ZC2HC1A: variants seen among roughly 807,000 people sequenced by gnomAD.
ZC2HC1A encodes zinc finger C2HC-type containing 1A.
A neutral mutation model predicts 40.7 loss-of-function variants in ZC2HC1A; 28 were observed. That is an observed-to-expected ratio of 0.69 (90% CI 0.51 to 0.94). The LOEUF is 0.94. Among genes scored for constraint, ZC2HC1A ranks in the 40% least tolerant of loss-of-function variants. The probability of loss-of-function intolerance (pLI) is 0.00; values close to 1 mark genes in which losing one functional copy is unlikely to be tolerated. For missense variants in ZC2HC1A, 389 were observed against 386.3 expected (o/e 1.01, Z -0.06); for synonymous variants, 129 against 129.2 (o/e 1.00, Z 0.01).
chr8:78,686,025 AC>A (rs1410656540), intron 3 of ZC2HC1A: 1 of 152,240 alleles, frequency 6.6e-6, no homozygotes, highest in African/African-American at 2.4e-5. Context: ...TTTATCAGGA[AC>A]CCACTCCCTC....
intron 5 of ZC2HC1A, among the ~76,000 whole-genome samples, chr8:78,692,533 T>A (rs960638691): frequency 6.6e-6 from 1 of 152,178 alleles, no homozygotes; most frequent in Non-Finnish European, 1.5e-5. Flanking sequence ...TCTGTTTTGT[T>A]CTTTTGCAAA....
chr8:78,667,884 A>G (rs1483923972), intron 1 of ZC2HC1A, among the ~76,000 whole-genome samples: 1 of 152,006 alleles, frequency 6.6e-6, no homozygotes, highest in African/African-American at 2.4e-5. Flanking sequence ...ATTTATAGGC[A>G]TATTTTATGG....
chr8:78,693,711 T>C (rs2130523881), intron 5 of ZC2HC1A, among the ~76,000 whole-genome samples: 1 of 152,334 alleles, frequency 6.6e-6, no homozygotes, highest in South Asian at 2.1e-4. Flanking sequence ...TAGTTTCTTC[T>C]GCTGTGCAGA....
chr8:78,711,131 T>C (rs1810937572), intron 7 of ZC2HC1A, among the ~76,000 whole-genome samples: 1 of 152,146 alleles, frequency 6.6e-6, no homozygotes, highest in African/African-American at 2.4e-5. Context: ...CAAATATCTC[T>C]TAAAAAGAAC....
At chr8:78,667,837 C>T (rs1809344322) in intron 1 of ZC2HC1A, among the ~76,000 whole-genome samples, 1 of 152,052 alleles carries the variant, frequency 6.6e-6, no homozygotes, top group Admixed American at 6.6e-5. Flanking sequence ...CCTATTATGA[C>T]ACTCAGTTGC....
intron 7 of ZC2HC1A, among the ~76,000 whole-genome samples, chr8:78,713,247 T>C (rs1811002605): frequency 6.6e-6 from 1 of 152,136 alleles, no homozygotes; most frequent in African/African-American, 2.4e-5. Context: ...TGGGGCAAGA[T>C]GTTTTAAGTG....
At chr8:78,678,356 A>G (rs78308755) in intron 2 of ZC2HC1A, among the ~76,000 whole-genome samples, 2,375 of 152,244 alleles carry the variant, frequency 0.016, 57 homozygotes, top group African/African-American at 0.055. Context: ...TTTTTTAGTG[A>G]GAAAGATAAC....
At chr8:78,676,452 T>C (rs1435936487) in intron 2 of ZC2HC1A, among the ~76,000 whole-genome samples, 4 of 152,058 alleles carry the variant, frequency 2.6e-5, no homozygotes, top group Admixed American at 6.6e-5. Context: ...TTTTAACTAA[T>C]CTTAATAAAG....
At chr8:78,704,174 G>A (rs925578823) in intron 7 of ZC2HC1A, among the ~76,000 whole-genome samples, 1 of 152,120 alleles carries the variant, frequency 6.6e-6, no homozygotes, top group South Asian at 2.1e-4. Context: ...CTGAGGTCAG[G>A]AGTTCAAGAC....
At chr8:78,703,368 G>A (rs1810668653) in intron 7 of ZC2HC1A, among the ~76,000 whole-genome samples, 1 of 152,124 alleles carries the variant, frequency 6.6e-6, no homozygotes, top group African/African-American at 2.4e-5. Context: ...AATATTGTCA[G>A]TGAGGTGTTA....
At chr8:78,704,761 A>G (rs1018231002) in intron 7 of ZC2HC1A, among the ~76,000 whole-genome samples, 7 of 152,128 alleles carry the variant, frequency 4.6e-5, no homozygotes, top group African/African-American at 1.7e-4. Context: ...GTCTTTTTAT[A>G]TAATGTCACA....
intron 5 of ZC2HC1A, among the ~76,000 whole-genome samples, chr8:78,690,021 A>T (rs973707219): frequency 1.3e-5 from 2 of 152,032 alleles, no homozygotes; most frequent in African/African-American, 4.8e-5. Flanking sequence ...TTCTATGTGG[A>T]TATTCTATTG....
intron 1 of ZC2HC1A, among the ~76,000 whole-genome samples, chr8:78,666,728 AC>A (rs1342065438): frequency 6.6e-6 from 1 of 152,206 alleles, no homozygotes; most frequent in African/African-American, 2.4e-5. Context: ...TAGAGCCGGT[AC>A]AATAGATTAC....
chr8:78,714,310 A>C (rs1039552640), intron 7 of ZC2HC1A, among the ~76,000 whole-genome samples: 1 of 152,154 alleles, frequency 6.6e-6, no homozygotes, highest in African/African-American at 2.4e-5. Flanking sequence ...ATTAGGATAA[A>C]TAAATTTCTA....
chr8:78,700,238 T>C (rs13280202), intron 7 of ZC2HC1A, among the ~76,000 whole-genome samples: 98,613 of 152,108 alleles, frequency 0.65, 33,829 homozygotes, highest in East Asian at 0.9. Context: ...CTTTTTTTCA[T>C]ATGACAGTTG....
At chr8:78,685,846 C>G (rs1230746370) in intron 3 of ZC2HC1A, 1 of 152,104 alleles carries the variant, frequency 6.6e-6, no homozygotes, top group South Asian at 2.1e-4. Flanking sequence ...AATAGAGTAC[C>G]ACAAACTGGA....
In ZC2HC1A at chr8:78,696,345, A is replaced by G. The variant is rs1033153299; in HGVS notation, c.505-1062A>G. On this transcript the variant is annotated intron_variant, in intron 5 of 8. Transcript: ENST00000263849. ...CACCGTGCCCAGCCCGTTAAAACCA[A>G]TTTTTCACATGAAATCTTGATACCG... Among the ~76,000 whole-genome samples, 16 of 152,086 alleles carry G rather than the reference A, an allele frequency of 1.1e-4. 1 individual carries two copies. In the East Asian group the frequency reaches 2.5e-3, roughly 24 times the overall value.
chr8:78,697,348 A>G lies in ZC2HC1A; in HGVS notation c.505-59A>G, dbSNP rs191233440. The G allele has an allele frequency of 3.5e-4, 478 of 1,364,850 alleles. 1 individual carries two copies. The African/African-American group carries it at 5.5e-3, about 16-fold the overall frequency. The allele number at this position is 1,364,850 out of a possible 1,614,324, so 84.5% of individuals were successfully genotyped here. A position where few individuals can be genotyped will look rare whatever the true frequency, so the allele number is the denominator to read the frequency against. On this transcript the variant is annotated intron_variant, in intron 5 of 8. Coordinates refer to ENST00000263849, the MANE Select transcript of ZC2HC1A (RefSeq NM_016010.3). ...AAAGAATGTTAAGTTTTGAACCACT[A>G]CTTTACAATCCATAATCAAAAAGTG...
At chr8:78,676,016 C>A in intron 2 of ZC2HC1A, 153 bp downstream of exon 2, 2 of 491,856 alleles carry the variant, frequency 4.1e-6, no homozygotes, top group Non-Finnish European at 6.8e-6. Context: ...TCAGCTATGC[C>A]ATTCTTCCAG....
Sources: gnomAD v4.1 joint callset for allele counts (sites outside exome capture counted in the v4.1 genomes callset) on GRCh38, gnomAD v4.1.1 for gene constraint, MANE v1.5 for transcripts, NCBI Gene and HGNC (gene_info 2026-07-23, HGNC 2026-07-21) for gene names.